The following CHRNA4 variants were observed in gnomAD, a reference collection of about 807,000 sequenced individuals.
The protein encoded by CHRNA4 is neuronal acetylcholine receptor subunit alpha-4.
CHRNA4 carries 28 observed loss-of-function variants against 48.9 expected under a neutral mutation model. That is an observed-to-expected ratio of 0.57 (90% confidence interval 0.42 to 0.79). The LOEUF is 0.79. Ranked by LOEUF, CHRNA4 falls within the 30% of genes least tolerant of loss-of-function variation. CHRNA4 has a pLI of 0.00. For missense variants in CHRNA4, 859 were observed against 898.4 expected (o/e 0.96, Z 0.56); for synonymous variants, 425 against 402.3 (o/e 1.06, Z -0.68).
chr20:63,358,290 C>T (rs1039255580), intron 2 of CHRNA4, among the ~76,000 whole-genome samples: 1 of 152,198 alleles, frequency 6.6e-6, no homozygotes, highest in Non-Finnish European at 1.5e-5. Flanking sequence ...GCTGCAGCTC[C>T]CCACACCTCC....
At chr20:63,359,903 G>GTGTGTGTGTGCCGGGCGTGTGC in intron 1 of CHRNA4, 1 of 442,924 alleles carries the variant, frequency 2.3e-6, no homozygotes, top group East Asian at 3.8e-5. Context: ...TGTGCTGTGT[G>GTGTGTGTGTGCCGGGCGTGTGC]TGTGTGTGTG....
chr20:63,355,998 C>T lies in CHRNA4; in HGVS notation c.360G>A (p.Arg120=). The change falls in exon 4 of 6, where the codon CGG becomes CGA. Residue 120 remains arginine (R), a synonymous_variant. Coordinates refer to ENST00000370263, the MANE Select transcript of CHRNA4 (RefSeq NM_000744.7). ...SIRIPSELIW[R]PDIVLYNNAD... is the part of the protein sequence containing the mutation. ...ACTTGTTGTAGAGGACGATGTCCGG[C>T]CGCCAGATGAGCTCGGAGGGGATGC... 1 of 1,611,902 alleles carries T rather than the reference C, an allele frequency of 6.2e-7. No homozygotes were observed. The highest frequency in any genetic ancestry group is 8.5e-7 in the Non-Finnish European group (1 of 1,179,636).
chr20:63,345,919 C>G lies in CHRNA4; in HGVS notation c.*819G>C, dbSNP rs751489177. On this transcript the variant is annotated 3_prime_UTR_variant, in exon 6 of 6. Transcript: ENST00000370263. This position sits in a 1 kb window ranked among gnomAD's most constrained non-coding sequence, Gnocchi z 5.4. ...CCAGGGGCTGAAGCCACTAGGCCCC[C>G]GTGGAGCCCTGGCCACCTGCCAGAG... The G allele has an allele frequency of 2.2e-6, 1 of 453,752 alleles. No homozygotes were observed. The highest frequency in any genetic ancestry group is 2.4e-5 in the Admixed American group (1 of 42,542). 28.1% of individuals were successfully genotyped at this position (453,752 alleles called of 1,614,324 possible). A position where few individuals can be genotyped will look rare whatever the true frequency, so the allele number is the denominator to read the frequency against.
intron 1 of CHRNA4, 166 bp from the exon 2 acceptor site, chr20:63,359,865 C>A (rs1294550267): frequency 3.1e-6 from 2 of 649,514 alleles, no homozygotes; most frequent in Admixed American, 6.5e-5. Flanking sequence ...GCCGGGCGTG[C>A]GCTCTGTGTG....
intron 5 of CHRNA4, 98 bp downstream of exon 5, chr20:63,349,555 G>A (rs950335253): frequency 4.0e-6 from 6 of 1,496,820 alleles, no homozygotes; most frequent in Non-Finnish European, 5.5e-6. Context: ...GCAGCCTGAG[G>A]CCTGGGCCCG....
intron 3 of CHRNA4, 102 bp downstream of exon 3, chr20:63,356,269 G>GGGGTGGGGCAGGGCCA (rs1218500936): frequency 4.8e-5 from 52 of 1,073,010 alleles, no homozygotes; most frequent in Middle Eastern, 2.9e-4. Context: ...AGGGAGGGCA[G>GGGGTGGGGCAGGGCCA]GGGTGGGGCA....
intron 2 of CHRNA4, among the ~76,000 whole-genome samples, chr20:63,357,095 C>T (rs1035118497): frequency 2.6e-4 from 36 of 138,558 alleles, no homozygotes; most frequent in African/African-American, 9.4e-4. Flanking sequence ...GAACCACATC[C>T]CCACAGGACC....
chr20:63,359,801 C>G lies in CHRNA4; in HGVS notation c.77-102G>C, dbSNP rs140380399. 17,383 of 1,402,364 alleles carry G rather than the reference C, an allele frequency of 0.012. 182 individuals carry two copies. Among genetic ancestry groups the G allele is most frequent in the Middle Eastern group, 0.016 (64 of 4,042 alleles). 86.9% of individuals were successfully genotyped at this position (1,402,364 alleles called of 1,614,324 possible). ...GCCCCAGCCCCCTGCCCAGCACGTCCACTTCCTTTCAGCTCCTCACATGAG... is the reference window on the plus strand; with the variant it reads ...GCCCCAGCCCCCTGCCCAGCACGTCGACTTCCTTTCAGCTCCTCACATGAG... On this transcript the variant is annotated intron_variant, in intron 1 of 5. Coordinates refer to ENST00000370263, the MANE Select transcript of CHRNA4 (RefSeq NM_000744.7).
chr20:63,343,618 G>T lies in CHRNA4; in HGVS notation c.*3120C>A, dbSNP rs45612034. The T allele has an allele frequency of 6.6e-6, 3 of 453,490 alleles. No homozygotes were observed. Among genetic ancestry groups the T allele is most frequent in the African/African-American group, 4.0e-5 (2 of 49,970 alleles). 28.1% of individuals were successfully genotyped at this position (453,490 alleles called of 1,614,324 possible). A position where few individuals can be genotyped will look rare whatever the true frequency, so the allele number is the denominator to read the frequency against. On this transcript the variant is annotated 3_prime_UTR_variant, in exon 6 of 6. Transcript: ENST00000370263. Reference sequence around the variant, plus strand: ...CCACGCTTCCTGAGAGGAGGGCCACGTCGCCCCAGGCCGGGCCACACGGGA... The same window carrying T: ...CCACGCTTCCTGAGAGGAGGGCCACTTCGCCCCAGGCCGGGCCACACGGGA...
intron 5 of CHRNA4, among the ~76,000 whole-genome samples, chr20:63,347,144 C>G (rs2068508776): frequency 6.6e-6 from 1 of 152,228 alleles, no homozygotes; most frequent in Admixed American, 6.5e-5. Context: ...TGGAGACAAG[C>G]TCTGCACTAT....
intron 4 of CHRNA4, among the ~76,000 whole-genome samples, chr20:63,351,512 C>T (rs1312606163): frequency 1.3e-5 from 2 of 152,170 alleles, no homozygotes; most frequent in Non-Finnish European, 2.9e-5. Context: ...CTGGGACACA[C>T]GGCATCCCTA....
rs201244483 is a variant in CHRNA4, at chr20:63,349,901, C to T, written c.1510G>A (p.Gly504Ser). The change falls in exon 5 of 6, where the codon GGC becomes AGC. Residue 504 changes from glycine to serine, a missense_variant. Transcript: ENST00000370263. ...PRDDAAPEAD[G>S]QAAGALASRN... Reference sequence around the variant, plus strand: ...GAGGCCAGGGCGCCGGCAGCCTGGCCATCTGCCTCGGGGGCGGCATCGTCT... The same window carrying T: ...GAGGCCAGGGCGCCGGCAGCCTGGCTATCTGCCTCGGGGGCGGCATCGTCT... 5.3e-5 allele frequency: 85 copies of T among 1,594,542 alleles called. No individual in the cohort carries two copies. Among genetic ancestry groups the T allele is most frequent in the Admixed American group, 6.8e-5 (4 of 58,398 alleles).
chr20:63,348,797 C>G (rs544220471), intron 5 of CHRNA4, among the ~76,000 whole-genome samples: 1 of 152,084 alleles, frequency 6.6e-6, no homozygotes, highest in African/African-American at 2.4e-5. Context: ...CCTGTGCCTC[C>G]CCCCATGTGA....
chr20:63,360,884 C>CGCCG, intron 1 of CHRNA4: 1 of 427,516 alleles, frequency 2.3e-6, no homozygotes, highest in South Asian at 6.2e-5. Flanking sequence ...CCTCCGCATT[C>CGCCG]GCCGGCGGTC....
Position 63,344,198 on chromosome 20 carries a change from G to T in CHRNA4, c.*2540C>A. 1 of 454,080 alleles carries T rather than the reference G, an allele frequency of 2.2e-6. No homozygotes were observed. The highest frequency in any genetic ancestry group is 4.4e-6 in the Non-Finnish European group (1 of 226,792). 28.1% of individuals were successfully genotyped at this position (454,080 alleles called of 1,614,324 possible). ...ATGAAGCTCTAAGTCATAGGATGAAGAAGCCAGACATCAAAGGCTCCAACT... is the reference window on the plus strand; with the variant it reads ...ATGAAGCTCTAAGTCATAGGATGAATAAGCCAGACATCAAAGGCTCCAACT... On this transcript the variant is annotated 3_prime_UTR_variant, in exon 6 of 6. Transcript: ENST00000370263. This position sits in a 1 kb window ranked among gnomAD's most constrained non-coding sequence, Gnocchi z 4.5.
In CHRNA4 at chr20:63,344,272, G is replaced by C. The variant is rs45494793; in HGVS notation, c.*2466C>G. The C allele has an allele frequency of 0.048, 21,673 of 453,410 alleles. 684 individuals carry two copies. The highest frequency in any genetic ancestry group is 0.096 in the Middle Eastern group (138 of 1,442). The allele number at this position is 453,410 out of a possible 1,614,324, so 28.1% of individuals were successfully genotyped here. On this transcript the variant is annotated 3_prime_UTR_variant, in exon 6 of 6. Coordinates refer to ENST00000370263, the MANE Select transcript of CHRNA4 (RefSeq NM_000744.7). This position sits in a 1 kb window ranked among gnomAD's most constrained non-coding sequence, Gnocchi z 4.5. ...TCGTGAGCCGGAGAGGTCAATCCAC[G>C]GTGCTTAAGTCAGAGCCACAGATGG...
rs1568819576 is a variant in CHRNA4, at chr20:63,359,607, TGGCCACGGGTCGGG to T, written c.155_168del (p.Ser52Ter). On this transcript the variant is annotated frameshift_variant, in exon 2 of 6. Transcript: ENST00000370263. LOFTEE classifies it high-confidence loss of function. Reference sequence around the variant, plus strand: ...CGGACGAGGACCACGTCCGAGATGTTGGCCACGGGTCGGGACCACTTGTTGTAACCGGAGAAGAG... The same window carrying T: ...CGGACGAGGACCACGTCCGAGATGTTACCACTTGTTGTAACCGGAGAAGAG... 6.2e-7 allele frequency: 1 copy of T among 1,612,740 alleles called. No individual in the cohort carries two copies. The highest frequency in any genetic ancestry group is 8.5e-7 in the Non-Finnish European group (1 of 1,179,942).
Position 63,350,253 on chromosome 20 carries a change from G to A in CHRNA4, c.1158C>T (p.Pro386=), listed in dbSNP as rs45564639. 30 of 1,609,740 alleles carry A rather than the reference G, an allele frequency of 1.9e-5. No individual in the cohort carries two copies. The East Asian group carries it at 2.9e-4, about 16-fold the overall frequency. The change falls in exon 5 of 6, where the codon CCC becomes CCT. Residue 386 remains proline, a synonymous_variant. Transcript: ENST00000370263. ...TGGCAGGGGGCTCCCCTTCTGGCTC[G>A]GGCCAGAAGCGCGGGGCACTGGCCA... ...HKMASAPRFW[P]EPEGEPPATS...
intron 4 of CHRNA4, chr20:63,351,281 C>T (rs112648646): frequency 2.6e-4 from 143 of 551,908 alleles, no homozygotes; most frequent in Non-Finnish European, 4.4e-4. Context: ...GGCATTCTCA[C>T]GTCACAGGAG....
Sources: gnomAD v4.1 joint callset for allele counts (sites outside exome capture counted in the v4.1 genomes callset) on GRCh38, gnomAD v4.1.1 for gene constraint, Gnocchi (gnomAD v3.1) non-coding constraint, MANE v1.5 for transcripts, NCBI Gene and HGNC (gene_info 2026-07-23, HGNC 2026-07-21) for gene names.